Variants in FRMD4A observed in about 807,000 individuals in gnomAD.
The protein encoded by FRMD4A is FERM domain-containing protein 4A.
FRMD4A carries 29 observed loss-of-function variants against 129.1 expected under a neutral mutation model. The observed-to-expected ratio is 0.22, with a 90% CI of 0.17 to 0.31. The LOEUF is 0.31. Ranked by LOEUF, FRMD4A falls within the 10% of genes least tolerant of loss-of-function variation. The pLI is 1.00. For missense variants in FRMD4A, 1,272 were observed against 1,375.8 expected, an observed-to-expected ratio of 0.92 and a Z score of 1.19; for synonymous variants, 634 against 571.6, an observed-to-expected ratio of 1.11 and a Z score of -1.56.
chr10:14,223,766 AG>A (rs1321583843), intron 2 of FRMD4A, among the ~76,000 whole-genome samples: 1,968 of 75,344 alleles, frequency 0.026, 24 homozygotes, highest in Non-Finnish European at 0.04. Flanking sequence ...AAAAAAAAAG[AG>A]AGAGAGAGAG....
intron 2 of FRMD4A, among the ~76,000 whole-genome samples, chr10:13,943,498 A>C (rs1465909302): frequency 6.6e-6 from 1 of 151,664 alleles, no homozygotes; most frequent in Non-Finnish European, 1.5e-5. Flanking sequence ...AAATACAAAA[A>C]TTAGCTGGGC....
intron 2 of FRMD4A, among the ~76,000 whole-genome samples, chr10:14,111,353 A>ATGGG (rs1837890947): frequency 6.6e-6 from 1 of 152,166 alleles, no homozygotes; most frequent in Non-Finnish European, 1.5e-5. Flanking sequence ...TGTCTATGCC[A>ATGGG]TGGGTTTCCC....
intron 16 of FRMD4A, among the ~76,000 whole-genome samples, chr10:13,670,995 T>C (rs1463623818): frequency 6.6e-6 from 1 of 152,186 alleles, no homozygotes; most frequent in Non-Finnish European, 1.5e-5. Context: ...AGTTTAAAGT[T>C]TCCTTCAAAT....
intron 2 of FRMD4A, among the ~76,000 whole-genome samples, chr10:13,918,690 G>A (rs774378775): frequency 1.3e-5 from 2 of 151,800 alleles, no homozygotes; most frequent in Non-Finnish European, 2.9e-5. Flanking sequence ...CACCACACCT[G>A]GCTAATTTTT....
chr10:13,974,401 C>A (rs2095533534), intron 2 of FRMD4A, among the ~76,000 whole-genome samples: 1 of 152,066 alleles, frequency 6.6e-6, no homozygotes, highest in African/African-American at 2.4e-5. Flanking sequence ...CTGGTGACAC[C>A]AGCAGCAGAC....
intron 2 of FRMD4A, among the ~76,000 whole-genome samples, chr10:14,098,655 G>A (rs113837078): frequency 2.4e-4 from 36 of 152,066 alleles, no homozygotes; most frequent in African/African-American, 7.2e-4. Context: ...TGATCCGCCC[G>A]CCTCGACCTC....
intron 6 of FRMD4A, among the ~76,000 whole-genome samples, chr10:13,780,589 C>G (rs2092709284): frequency 6.6e-6 from 1 of 152,146 alleles, no homozygotes; most frequent in Non-Finnish European, 1.5e-5. Context: ...TGCTCAACAT[C>G]ACTAGTCTAC....
At chr10:13,729,643 A>T (rs1277209550) in intron 12 of FRMD4A, 1 of 152,124 alleles carries the variant, frequency 6.6e-6, no homozygotes, top group Non-Finnish European at 1.5e-5. Flanking sequence ...CTTAGGAATC[A>T]CTGGAAGCCA....
chr10:13,704,290 C>G (rs936413699), intron 13 of FRMD4A, among the ~76,000 whole-genome samples: 8 of 152,160 alleles, frequency 5.3e-5, no homozygotes, highest in East Asian at 1.9e-4. Flanking sequence ...GAAGTCATCC[C>G]GGGTCTCCAC....
rs535125128 is a variant in FRMD4A, at chr10:13,726,799, G to A, written c.759+11045C>T. Among the ~76,000 whole-genome samples the A allele has an allele frequency of 2.0e-5, 3 of 152,274 alleles. No homozygotes were observed. The South Asian group carries it at 6.2e-4, about 32-fold the overall frequency. ...TTTGTGTGTGTAGAGATGAGGTCTT[G>A]TTATGTTGCCTAGGCTGGTCTCCAA... is the stretch of plus-strand genomic sequence containing the variant. On this transcript the variant is annotated intron_variant, in intron 12 of 24. Coordinates refer to ENST00000357447, the MANE Select transcript of FRMD4A (RefSeq NM_018027.5).
chr10:13,661,217 A>G (rs9787415), intron 19 of FRMD4A, among the ~76,000 whole-genome samples: 117,690 of 152,208 alleles, frequency 0.77, 46,265 homozygotes, highest in East Asian at 0.87. Flanking sequence ...GTATTAATAA[A>G]TGATTCCCTG....
At chr10:14,267,860 G>A (rs1477799585) in intron 2 of FRMD4A, among the ~76,000 whole-genome samples, 1 of 152,150 alleles carries the variant, frequency 6.6e-6, no homozygotes, top group Non-Finnish European at 1.5e-5. Flanking sequence ...CTGTAGGATT[G>A]TTTTATAGGA....
intron 2 of FRMD4A, among the ~76,000 whole-genome samples, chr10:13,936,653 A>C (rs1480906684): frequency 6.6e-6 from 1 of 152,132 alleles, no homozygotes; most frequent in Non-Finnish European, 1.5e-5. Context: ...CCCCACCTTG[A>C]TCTTGGACTT....
At chr10:14,169,907 A>G (rs558976346) in intron 2 of FRMD4A, among the ~76,000 whole-genome samples, 1 of 152,268 alleles carries the variant, frequency 6.6e-6, no homozygotes, top group East Asian at 1.9e-4. Context: ...CAGGCTAACC[A>G]TTCCTTAACC....
At chr10:14,220,614 A>C (rs538847632) in intron 2 of FRMD4A, among the ~76,000 whole-genome samples, 3 of 152,310 alleles carry the variant, frequency 2.0e-5, no homozygotes, top group Admixed American at 1.3e-4. Flanking sequence ...TTATCTTGAA[A>C]GCTTTCTGAT....
Position 13,762,034 on chromosome 10 carries a change from A to G in FRMD4A, c.442-365T>C, listed in dbSNP as rs188815561. On this transcript the variant is annotated intron_variant, in intron 7 of 24. Coordinates refer to ENST00000357447, the MANE Select transcript of FRMD4A (RefSeq NM_018027.5). ...CAGTTTTTGTTTTGGTTTGTATTTT[A>G]TGCTAGTTCCCAATTATACTGAAGA... Among the ~76,000 whole-genome samples the G allele has an allele frequency of 1.7e-3, 258 of 152,324 alleles. 1 individual carries two copies. Among genetic ancestry groups the G allele is most frequent in the Admixed American group, 4.3e-3 (66 of 15,294 alleles).
At chr10:13,784,258 C>T (rs968063992) in intron 5 of FRMD4A, among the ~76,000 whole-genome samples, 1 of 152,086 alleles carries the variant, frequency 6.6e-6, no homozygotes. Flanking sequence ...TGATGGAGTC[C>T]CCAGCTCTGT....
At chr10:13,953,946 T>G (rs1264816127) in intron 2 of FRMD4A, among the ~76,000 whole-genome samples, 1 of 152,104 alleles carries the variant, frequency 6.6e-6, no homozygotes, top group Non-Finnish European at 1.5e-5. Context: ...GAACTCAGCA[T>G]CATCATCATC....
chr10:13,983,359 G>C (rs775143561), intron 2 of FRMD4A, among the ~76,000 whole-genome samples: 10 of 152,058 alleles, frequency 6.6e-5, no homozygotes, highest in Non-Finnish European at 1.5e-4. Flanking sequence ...AATGACCGAT[G>C]CAAAGAAGAG....
Sources: allele counts gnomAD v4.1 joint callset (sites outside exome capture counted in the v4.1 genomes callset), GRCh38; gene constraint gnomAD v4.1.1; transcripts MANE v1.5; gene names NCBI Gene and HGNC (gene_info 2026-07-23, HGNC 2026-07-21).